PCDHA4: variants seen among roughly 807,000 people sequenced by gnomAD.
PCDHA4 encodes protocadherin alpha 4, also known as protocadherin alpha-4.
Under a neutral mutation model 61.4 loss-of-function variants are expected in PCDHA4, and 49 were observed. The ratio of observed to expected loss-of-function variants is 0.80; its 90% CI spans 0.63 to 1.01. PCDHA4 has a LOEUF of 1.01. Among genes scored for constraint, PCDHA4 ranks in the 50% least tolerant of loss-of-function variants. The pLI is 0.00. For synonymous variants in PCDHA4, 590 were observed against 550.3 expected (o/e 1.07, Z -1.01); for missense variants, 1,254 against 1,235.8 (o/e 1.01, Z -0.22).
At chr5:140,880,514 TC>T (rs1459255635) in intron 1 of PCDHA4, among the ~76,000 whole-genome samples, 1 of 152,198 alleles carries the variant, frequency 6.6e-6, no homozygotes, top group Non-Finnish European at 1.5e-5. Context: ...TTTGGTCACA[TC>T]TCTCAATGTG....
At chr5:140,957,269 T>TC (rs2095346885) in intron 1 of PCDHA4, among the ~76,000 whole-genome samples, 1 of 152,070 alleles carries the variant, frequency 6.6e-6, no homozygotes, top group African/African-American at 2.4e-5. Context: ...TAAGCACTAG[T>TC]CCCCCCTTAC....
intron 1 of PCDHA4, among the ~76,000 whole-genome samples, chr5:140,938,996 A>C (rs1212565184): frequency 2.6e-5 from 4 of 152,206 alleles, no homozygotes; most frequent in Non-Finnish European, 4.4e-5. Context: ...TTATATAGTA[A>C]GTTAAGAAGT....
intron 1 of PCDHA4, chr5:140,836,425 G>C (rs2150260582): frequency 1.2e-6 from 2 of 1,613,790 alleles, no homozygotes; most frequent in Non-Finnish European, 1.7e-6. Context: ...GCGTCGTCGC[G>C]GGCATCGTTG....
chr5:140,906,985 G>A (rs1418384427), intron 1 of PCDHA4, among the ~76,000 whole-genome samples: 1 of 152,170 alleles, frequency 6.6e-6, no homozygotes, highest in East Asian at 1.9e-4. Context: ...TCTGGTGGCA[G>A]CATTCCTCCC....
chr5:140,883,782 C>T (rs1434451644), intron 1 of PCDHA4: 1 of 1,612,468 alleles, frequency 6.2e-7, no homozygotes, highest in African/African-American at 1.3e-5. Flanking sequence ...CGTGCGCTGT[C>T]GAGCTACGTG....
intron 1 of PCDHA4, chr5:140,841,517 G>C (rs2150317250): frequency 6.2e-7 from 1 of 1,613,540 alleles, no homozygotes; most frequent in Non-Finnish European, 8.5e-7. Flanking sequence ...CCTGTTCCGG[G>C]TGGCGTCCAA....
chr5:140,842,903 C>A lies in PCDHA4; in HGVS notation c.2385+33331C>A. The A allele has an allele frequency of 2.5e-6, 4 of 1,594,400 alleles. 1 individual carries two copies. The South Asian group carries it at 4.4e-5, about 18-fold the overall frequency. On this transcript the variant is annotated intron_variant, in intron 1 of 3. Transcript: ENST00000530339. Reference sequence around the variant, plus strand: ...GCTGCAGCCGCTGGACCACGAGGAGCTAGAGCTGCTGCAGTTCCAGGTGAG... The same window carrying A: ...GCTGCAGCCGCTGGACCACGAGGAGATAGAGCTGCTGCAGTTCCAGGTGAG...
intron 1 of PCDHA4, chr5:140,858,095 G>C: frequency 1.3e-6 from 2 of 1,597,916 alleles, no homozygotes; most frequent in Non-Finnish European, 1.7e-6. Context: ...GCGGGCTTCA[G>C]TGGGCGTGGC....
At chr5:140,882,164 C>A in intron 1 of PCDHA4, 1 of 1,509,950 alleles carries the variant, frequency 6.6e-7, no homozygotes, top group Non-Finnish European at 8.9e-7. Flanking sequence ...ATACCTCTTG[C>A]GAATCCTTCC....
chr5:140,875,173 A>G (rs567403390), intron 1 of PCDHA4: 75 of 394,970 alleles, frequency 1.9e-4, no homozygotes, highest in Non-Finnish European at 2.9e-4. Context: ...AAGTCGAAAC[A>G]TTAGAATTAA....
Position 140,855,877 on chromosome 5 carries a change from C to T in PCDHA4, c.2385+46305C>T, listed in dbSNP as rs577890350. 6.7e-6 allele frequency: 6 copies of T among 897,114 alleles called. No individual in the cohort carries two copies. In the South Asian group the frequency reaches 1.2e-4, roughly 18 times the overall value. The allele number at this position is 897,114 out of a possible 1,614,324, so 55.6% of individuals were successfully genotyped here. A position where few individuals can be genotyped will look rare whatever the true frequency, so the allele number is the denominator to read the frequency against. On this transcript the variant is annotated intron_variant, in intron 1 of 3. Transcript: ENST00000530339. ...GATGTCGCTGTCGTCCACAAAATAGCTTTTTAGAACAAAGGCATCAGCCAG... is the reference window on the plus strand; with the variant it reads ...GATGTCGCTGTCGTCCACAAAATAGTTTTTTAGAACAAAGGCATCAGCCAG...
chr5:140,994,434 G>A (rs1238502710), intron 3 of PCDHA4, among the ~76,000 whole-genome samples: 1 of 152,156 alleles, frequency 6.6e-6, no homozygotes, highest in African/African-American at 2.4e-5. Flanking sequence ...CGGGCGCAGT[G>A]GCTCACACCT....
intron 1 of PCDHA4, chr5:140,862,749 G>C: frequency 1.7e-6 from 1 of 579,636 alleles, no homozygotes; most frequent in Non-Finnish European, 3.3e-6. Flanking sequence ...GGGTGCACGC[G>C]GAGAGCGGCA....
intron 1 of PCDHA4, chr5:140,816,968 GC>G (rs1277276488): frequency 6.6e-6 from 1 of 152,054 alleles, no homozygotes; most frequent in Non-Finnish European, 1.5e-5. Flanking sequence ...AACTTGGACT[GC>G]CCACTAAAAT....
intron 1 of PCDHA4, among the ~76,000 whole-genome samples, chr5:140,833,387 A>G (rs1772434937): frequency 6.6e-6 from 1 of 152,198 alleles, no homozygotes; most frequent in African/African-American, 2.4e-5. Flanking sequence ...AGGATGAAAT[A>G]CCTCAAGACT....
chr5:140,841,421 T>C, intron 1 of PCDHA4: 6 of 1,612,988 alleles, frequency 3.7e-6, no homozygotes, highest in Non-Finnish European at 5.1e-6. Context: ...GCTCCACTAC[T>C]CCGTCCCCGA....
chr5:140,905,304 C>T (rs1373391378), intron 1 of PCDHA4, among the ~76,000 whole-genome samples: 1 of 152,150 alleles, frequency 6.6e-6, no homozygotes, highest in Non-Finnish European at 1.5e-5. Flanking sequence ...GTCCTTTCCA[C>T]ACTTTGTGTT....
chr5:140,844,973 A>G (rs1229896570), intron 1 of PCDHA4, among the ~76,000 whole-genome samples: 1 of 149,218 alleles, frequency 6.7e-6, no homozygotes, highest in African/African-American at 2.5e-5. Context: ...TGTTATTAGT[A>G]TTGTTTTAAA....
chr5:140,829,627 G>C, intron 1 of PCDHA4: 1 of 1,612,248 alleles, frequency 6.2e-7, no homozygotes, highest in Non-Finnish European at 8.5e-7. Context: ...CGGTGCACGC[G>C]GAGAGCGGCA....
Sources: gnomAD v4.1 joint callset for allele counts (sites outside exome capture counted in the v4.1 genomes callset) on GRCh38, gnomAD v4.1.1 for gene constraint, MANE v1.5 for transcripts, NCBI Gene and HGNC (gene_info 2026-07-23, HGNC 2026-07-21) for gene names.